Variants in CSMD1 observed in about 807,000 individuals in gnomAD.
The protein encoded by CSMD1 is CUB and Sushi multiple domains 1.
A neutral mutation model predicts 417.5 loss-of-function variants in CSMD1; 213 were observed. The observed-to-expected ratio is 0.51, with a 90% CI of 0.46 to 0.57. CSMD1 has a LOEUF of 0.57. CSMD1 is among the 20% of genes least tolerant of loss of function. CSMD1 has a pLI of 0.00. For synonymous variants in CSMD1, 2,862 were observed against 1,736.8 expected (o/e 1.65, Z -16.11); for missense variants, 6,923 against 4,529.7 (o/e 1.53, Z -15.17).
intron 3 of CSMD1, among the ~76,000 whole-genome samples, chr8:4,330,067 C>T (rs569104935): frequency 2.6e-5 from 4 of 152,208 alleles, no homozygotes; most frequent in East Asian, 1.9e-4. Context: ...TATGCAGTCT[C>T]ATATATTTCT....
chr8:3,357,913 T>A (rs1808898637), intron 21 of CSMD1, among the ~76,000 whole-genome samples: 1 of 152,196 alleles, frequency 6.6e-6, no homozygotes, highest in African/African-American at 2.4e-5. Flanking sequence ...CACAGATGAT[T>A]TGATTCATGT....
rs187400398 is a variant in CSMD1 at position 4,322,317 on chromosome 8, G to C, written c.415+97636C>G. ...TTCATGTTATCTGCATATTTGAAGA[G>C]AGTACTTTTTTTTGCAACAATCTGA... On this transcript the variant is annotated intron_variant, in intron 3 of 69. Coordinates refer to ENST00000635120, the MANE Select transcript of CSMD1 (RefSeq NM_033225.6). Among the ~76,000 whole-genome samples, 12 of 146,508 alleles carry C rather than the reference G, an allele frequency of 8.2e-5. No homozygotes were observed. The East Asian group carries it at 2.6e-3, about 32-fold the overall frequency.
At chr8:4,767,451 T>A (rs2164906) in intron 1 of CSMD1, among the ~76,000 whole-genome samples, 5 of 151,500 alleles carry the variant, frequency 3.3e-5, no homozygotes, top group African/African-American at 4.9e-5. Context: ...ATCCCGCACA[T>A]AGCTCACTGG....
At chr8:4,917,365 CG>C (rs1563759548) in intron 1 of CSMD1, among the ~76,000 whole-genome samples, 1 of 152,120 alleles carries the variant, frequency 6.6e-6, no homozygotes, top group East Asian at 1.9e-4. Context: ...CAGGGTGCGG[CG>C]GCTCACGCCT....
intron 3 of CSMD1, among the ~76,000 whole-genome samples, chr8:4,261,981 T>C (rs1803919767): frequency 6.6e-6 from 1 of 152,192 alleles, no homozygotes; most frequent in South Asian, 2.1e-4. Context: ...AAGTCTGTCA[T>C]TTCCTGGGAA....
intron 15 of CSMD1, among the ~76,000 whole-genome samples, chr8:3,400,127 A>G (rs1395842762): frequency 6.6e-6 from 1 of 152,210 alleles, no homozygotes; most frequent in Non-Finnish European, 1.5e-5. Flanking sequence ...ATTGCAAAGG[A>G]GAAATAAAGT....
At chr8:4,176,381 C>G (rs1172595431) in intron 3 of CSMD1, among the ~76,000 whole-genome samples, 1 of 151,990 alleles carries the variant, frequency 6.6e-6, no homozygotes, top group Non-Finnish European at 1.5e-5. Context: ...ACTCTTAAGC[C>G]TCTTATTCTC....
intron 26 of CSMD1, among the ~76,000 whole-genome samples, 165 bp from the exon 27 acceptor site, chr8:3,230,396 A>G (rs569431594): frequency 6.6e-6 from 1 of 152,212 alleles, no homozygotes; most frequent in Admixed American, 6.5e-5. Context: ...GGTACATTCA[A>G]TAACATACAT....
intron 1 of CSMD1, among the ~76,000 whole-genome samples, chr8:4,847,132 A>G (rs1397473868): frequency 1.3e-5 from 2 of 152,194 alleles, no homozygotes; most frequent in African/African-American, 4.8e-5. Context: ...ACTTACAGAT[A>G]CTTCTTTGTT....
intron 3 of CSMD1, among the ~76,000 whole-genome samples, chr8:4,193,400 G>A (rs559721624): frequency 3.3e-5 from 5 of 151,868 alleles, no homozygotes; most frequent in East Asian, 3.9e-4. Context: ...ATATTCCTGG[G>A]CTTCCAAGTC....
At chr8:3,043,545 G>A (rs1313504500) in intron 50 of CSMD1, among the ~76,000 whole-genome samples, 3 of 152,010 alleles carry the variant, frequency 2.0e-5, no homozygotes, top group African/African-American at 7.3e-5. Context: ...TCCTCATGGT[G>A]CCCAGCATAG....
At chr8:3,601,052 G>T (rs1384757686) in intron 8 of CSMD1, among the ~76,000 whole-genome samples, 8 of 152,104 alleles carry the variant, frequency 5.3e-5, no homozygotes, top group African/African-American at 1.9e-4. Context: ...CATCCCGCAT[G>T]ATATCGTGGC....
chr8:4,091,436 C>A (rs1800714875), intron 3 of CSMD1, among the ~76,000 whole-genome samples: 1 of 152,058 alleles, frequency 6.6e-6, no homozygotes, highest in Non-Finnish European at 1.5e-5. Flanking sequence ...TTATTATTTG[C>A]ACTTTTGCTC....
intron 5 of CSMD1, among the ~76,000 whole-genome samples, chr8:3,796,705 T>A (rs1800174690): frequency 1.3e-5 from 2 of 150,742 alleles, no homozygotes. Context: ...AAGATGAGAA[T>A]GGGTAGGAAA....
chr8:4,682,266 A>T (rs1013394147), intron 1 of CSMD1, among the ~76,000 whole-genome samples: 3 of 152,110 alleles, frequency 2.0e-5, no homozygotes, highest in Admixed American at 2.0e-4. Context: ...CTGGGGCTAA[A>T]GCAATCCACC....
chr8:4,308,321 G>A (rs11136726), intron 3 of CSMD1, among the ~76,000 whole-genome samples: 137,043 of 152,030 alleles, frequency 0.9, 62,643 homozygotes, highest in Non-Finnish European at 0.99. Context: ...GTGGGGTGGT[G>A]TATCTGGTGT....
intron 2 of CSMD1, among the ~76,000 whole-genome samples, chr8:4,555,722 C>A (rs1798059938): frequency 6.6e-6 from 1 of 152,120 alleles, no homozygotes; most frequent in South Asian, 2.1e-4. Flanking sequence ...GGAGCCTGCA[C>A]CCTTTCAGGG....
At chr8:4,115,007 T>A (rs374373377) in intron 3 of CSMD1, among the ~76,000 whole-genome samples, 1 of 152,202 alleles carries the variant, frequency 6.6e-6, no homozygotes, top group East Asian at 1.9e-4. Flanking sequence ...GAAACCTAGT[T>A]GATAATGCAG....
chr8:3,927,009 C>T (rs117916220), intron 5 of CSMD1, among the ~76,000 whole-genome samples: 6 of 151,738 alleles, frequency 4.0e-5, no homozygotes, highest in East Asian at 3.9e-4. Context: ...CCACCGTGCC[C>T]GGCCAAATTG....
Sources: allele counts gnomAD v4.1 joint callset (sites outside exome capture counted in the v4.1 genomes callset), GRCh38; gene constraint gnomAD v4.1.1; transcripts MANE v1.5; gene names NCBI Gene and HGNC (gene_info 2026-07-23, HGNC 2026-07-21).